Variants in CSMD1 observed in about 807,000 individuals in gnomAD.
CSMD1 encodes the protein CUB and sushi domain-containing protein 1.
A neutral mutation model predicts 417.5 loss-of-function variants in CSMD1; 213 were observed. That is an observed-to-expected ratio of 0.51 (90% CI 0.46 to 0.57). CSMD1 has a LOEUF of 0.57. Ranked by LOEUF, CSMD1 falls within the 20% of genes least tolerant of loss-of-function variation. The pLI, the probability that CSMD1 is intolerant of heterozygous loss-of-function variation, is 0.00. For missense variants in CSMD1, 6,923 were observed against 4,529.7 expected (o/e 1.53, Z -15.17); for synonymous variants, 2,862 against 1,736.8 (o/e 1.65, Z -16.11).
intron 2 of CSMD1, among the ~76,000 whole-genome samples, chr8:4,570,345 G>A (rs748048829): frequency 3.9e-5 from 6 of 152,138 alleles, no homozygotes; most frequent in Non-Finnish European, 8.8e-5. Flanking sequence ...TTAGCATGAA[G>A]GGATGTTGAA....
intron 2 of CSMD1, among the ~76,000 whole-genome samples, chr8:4,446,755 C>CTGTGTGTGTGTGTGTGTGTGTCTGTG (rs1798825936): frequency 2.9e-4 from 39 of 133,002 alleles, no homozygotes; most frequent in African/African-American, 9.7e-4. Flanking sequence ...GTGTGTGTGT[C>CTGTGTGTGTGTGTGTGTGTGTCTGTG]TGTGTGTGTG....
chr8:3,172,985 C>A (rs1428456700), intron 37 of CSMD1, among the ~76,000 whole-genome samples: 2 of 152,308 alleles, frequency 1.3e-5, no homozygotes, highest in East Asian at 3.9e-4. Flanking sequence ...TCCTAAGTGG[C>A]TGTCCCAAGA....
At chr8:3,737,113 T>C (rs1796560284) in intron 6 of CSMD1, among the ~76,000 whole-genome samples, 1 of 152,220 alleles carries the variant, frequency 6.6e-6, no homozygotes, top group Non-Finnish European at 1.5e-5. Context: ...AATAGTCCCA[T>C]ATTATATTTT....
At chr8:3,018,209 T>A (rs1189100791) in intron 52 of CSMD1, among the ~76,000 whole-genome samples, 1 of 152,234 alleles carries the variant, frequency 6.6e-6, no homozygotes, top group Non-Finnish European at 1.5e-5. Context: ...CCTAAAACCA[T>A]GATGGCATTT....
intron 10 of CSMD1, among the ~76,000 whole-genome samples, chr8:3,572,076 C>T (rs1205383948): frequency 6.6e-6 from 1 of 152,118 alleles, no homozygotes; most frequent in African/African-American, 2.4e-5. Flanking sequence ...GAGTCGGTGT[C>T]CCTGCAGGCA....
intron 7 of CSMD1, among the ~76,000 whole-genome samples, chr8:3,690,465 G>T (rs1241992490): frequency 6.6e-6 from 1 of 152,188 alleles, no homozygotes; most frequent in African/African-American, 2.4e-5. Flanking sequence ...AGTGTTCAAG[G>T]CTTCTCAACA....
chr8:4,263,184 T>C (rs1804002778), intron 3 of CSMD1, among the ~76,000 whole-genome samples: 1 of 151,038 alleles, frequency 6.6e-6, no homozygotes. Flanking sequence ...CTGTGTATTC[T>C]AGTGCCGTGT....
intron 23 of CSMD1, among the ~76,000 whole-genome samples, chr8:3,333,134 C>A (rs7837800): frequency 0.011 from 1,675 of 152,072 alleles, 21 homozygotes; most frequent in African/African-American, 0.038. Flanking sequence ...ACCACTGTGA[C>A]GACCTGAGTT....
chr8:3,211,182 C>A (rs964881026), intron 30 of CSMD1, among the ~76,000 whole-genome samples: 10 of 152,084 alleles, frequency 6.6e-5, no homozygotes, highest in African/African-American at 2.2e-4. Context: ...GTAGCTGGGA[C>A]CCCAGGTGTG....
chr8:4,398,596 C>T (rs775128524), intron 3 of CSMD1, among the ~76,000 whole-genome samples: 4 of 151,842 alleles, frequency 2.6e-5, no homozygotes, highest in Non-Finnish European at 5.9e-5. Flanking sequence ...GGGGTTTCAC[C>T]GTGTTAGCCA....
intron 3 of CSMD1, among the ~76,000 whole-genome samples, chr8:4,194,304 A>C (rs1467324675): frequency 6.6e-6 from 1 of 152,210 alleles, no homozygotes; most frequent in Non-Finnish European, 1.5e-5. Flanking sequence ...TTCCCAAGTC[A>C]TTCCTATAGG....
At chr8:4,833,217 G>T (rs888460451) in intron 1 of CSMD1, among the ~76,000 whole-genome samples, 5 of 152,182 alleles carry the variant, frequency 3.3e-5, no homozygotes, top group African/African-American at 1.2e-4. Flanking sequence ...AAGAAAAGTG[G>T]ATTAACTGAC....
intron 3 of CSMD1, among the ~76,000 whole-genome samples, chr8:4,329,581 C>T (rs147379251): frequency 1.6e-4 from 24 of 152,188 alleles, no homozygotes; most frequent in African/African-American, 3.1e-4. Context: ...AGCCACCGCA[C>T]GTTGCCAAAA....
At chr8:4,737,852 A>C (rs1051359240) in intron 1 of CSMD1, among the ~76,000 whole-genome samples, 1 of 152,234 alleles carries the variant, frequency 6.6e-6, no homozygotes, top group Non-Finnish European at 1.5e-5. Context: ...GAGGAGTCAA[A>C]TATTGCAACC....
intron 1 of CSMD1, among the ~76,000 whole-genome samples, chr8:4,941,281 A>C (rs76936513): frequency 0.51 from 78,124 of 151,900 alleles, 21,279 homozygotes; most frequent in East Asian, 0.79. Context: ...CTTTGATTCA[A>C]AAAGTTATTT....
intron 16 of CSMD1, among the ~76,000 whole-genome samples, chr8:3,397,745 A>C (rs1811790991): frequency 1.3e-5 from 2 of 152,204 alleles, no homozygotes; most frequent in South Asian, 4.1e-4. Context: ...GGACTGACAA[A>C]GTGCCTATTT....
chr8:3,564,301 G>A (rs1799600676), intron 10 of CSMD1, among the ~76,000 whole-genome samples: 1 of 150,416 alleles, frequency 6.6e-6, no homozygotes, highest in Admixed American at 6.6e-5. Flanking sequence ...AGTAAATCCT[G>A]TAAACTTTTC....
chr8:3,812,143 C>T (rs143465844), intron 5 of CSMD1, among the ~76,000 whole-genome samples: 1 of 152,132 alleles, frequency 6.6e-6, no homozygotes, highest in East Asian at 1.9e-4. Context: ...TATTCATATT[C>T]ACATGACAAT....
At chr8:3,594,611 A>G (rs1801007149) in intron 8 of CSMD1, among the ~76,000 whole-genome samples, 1 of 152,158 alleles carries the variant, frequency 6.6e-6, no homozygotes, top group Non-Finnish European at 1.5e-5. Flanking sequence ...GTCCTTCCCC[A>G]GTAGATACAA....
Sources: gnomAD v4.1 joint callset for allele counts (sites outside exome capture counted in the v4.1 genomes callset) on GRCh38, gnomAD v4.1.1 for gene constraint, MANE v1.5 for transcripts, NCBI Gene and HGNC (gene_info 2026-07-23, HGNC 2026-07-21) for gene names.